The following RADIL variants were observed in gnomAD, a reference collection of about 807,000 sequenced individuals.
RADIL encodes the protein Rap associating with DIL domain, also known as ras-associating and dilute domain-containing protein.
Under a neutral mutation model 97.6 loss-of-function variants are expected in RADIL, and 99 were observed. That is an observed-to-expected ratio of 1.01 (90% CI 0.86 to 1.20). The LOEUF is 1.20. RADIL is among the 50% of genes most tolerant of loss of function. The pLI is 0.00. For missense variants in RADIL, 1,765 were observed against 1,498.9 expected (o/e 1.18, Z -2.93); for synonymous variants, 803 against 691.8 (o/e 1.16, Z -2.52).
At chr7:4,847,955 G>T (rs1370891908) in intron 2 of RADIL, among the ~76,000 whole-genome samples, 1 of 152,252 alleles carries the variant, frequency 6.6e-6, no homozygotes, top group South Asian at 2.1e-4. Flanking sequence ...CAGCACTTAG[G>T]GAGGCCGCAG....
intron 13 of RADIL, 37 bp from the exon 14 acceptor site, chr7:4,799,806 C>G: frequency 6.8e-7 from 1 of 1,467,700 alleles, no homozygotes; most frequent in South Asian, 1.3e-5. Context: ...TCCGCAGGCC[C>G]GACTGGCTGT....
intron 10 of RADIL, among the ~76,000 whole-genome samples, chr7:4,804,791 A>G (rs1782238925): frequency 2.0e-5 from 3 of 150,718 alleles, no homozygotes; most frequent in South Asian, 2.1e-4. Context: ...GTCTCAGTCA[A>G]TCAATCAATA....
chr7:4,834,960 A>G lies in RADIL; in HGVS notation c.1063T>C (p.Phe355Leu), dbSNP rs766776335. Residue 355 changes from phenylalanine to leucine, a missense_variant, in exon 4 of 15, where the codon TTC (phenylalanine) becomes CTC (leucine). Transcript: ENST00000399583. The surrounding 1 kb of genome is among the most constrained non-coding windows in gnomAD (Gnocchi z 6.0). Reference protein sequence around the residue: ...LSLGLYYLLLFKDPAQAQPLP... With the variant: ...LSLGLYYLLLLKDPAQAQPLP... ...GGCTGGGCCTGCGCGGGGTCCTTGA[A>G]TAGCAGCAGGTAGTAGAGCCCCAGG... 3.2e-5 allele frequency: 51 copies of G among 1,608,146 alleles called. No individual in the cohort carries two copies. Among genetic ancestry groups the G allele is most frequent in the South Asian group, 5.5e-5 (5 of 90,650 alleles).
Position 4,799,310 on chromosome 7 carries a change from C to T in RADIL, c.*68G>A, listed in dbSNP as rs772488440. 81 of 1,504,614 alleles carry T rather than the reference C, an allele frequency of 5.4e-5. No homozygotes were observed. Among genetic ancestry groups the T allele is most frequent in the Middle Eastern group, 1.8e-4 (1 of 5,620 alleles). The allele number at this position is 1,504,614 out of a possible 1,614,324, so 93.2% of individuals were successfully genotyped here. A position where few individuals can be genotyped will look rare whatever the true frequency, so the allele number is the denominator to read the frequency against. ...GTCAGTTACAAAACAGGGACGAAGG[C>T]GGGAGGAAGCCCAGTGTCACCAGGT... On this transcript the variant is annotated 3_prime_UTR_variant, in exon 15 of 15. Transcript: ENST00000399583.
At chr7:4,859,092 T>C (rs1209765634) in intron 2 of RADIL, 1 of 152,158 alleles carries the variant, frequency 6.6e-6, no homozygotes, top group South Asian at 2.1e-4. Context: ...TACCTTAAAG[T>C]TGACATTTCA....
chr7:4,825,268 A>G (rs1782941638), intron 5 of RADIL, among the ~76,000 whole-genome samples: 1 of 152,214 alleles, frequency 6.6e-6, no homozygotes, highest in South Asian at 2.1e-4. Flanking sequence ...TGGCTGAGGC[A>G]GGCTGGTCAA....
At chr7:4,865,834 GAA>G (rs2115039437) in intron 2 of RADIL, 1 of 724,732 alleles carries the variant, frequency 1.4e-6, no homozygotes, top group East Asian at 2.6e-5. Context: ...GGAGGTGAGT[GAA>G]CCCCTTTTCT....
Position 4,798,734 on chromosome 7 carries a change from G to T in RADIL, c.*644C>A, listed in dbSNP as rs73307312. On this transcript the variant is annotated 3_prime_UTR_variant, in exon 15 of 15. Coordinates refer to ENST00000399583, the MANE Select transcript of RADIL (RefSeq NM_018059.5). ...GGGAGAGGAACTCAGGAGGGAGCAG[G>T]AGTCCTGGGAGAGGAAGCAGGGCCC... is the stretch of plus-strand genomic sequence containing the variant. The T allele has an allele frequency of 0.039, 5,896 of 153,052 alleles. 378 individuals are homozygous for T. The highest frequency in any genetic ancestry group is 0.13 in the African/African-American group (5,531 of 41,582). The allele number at this position is 153,052 out of a possible 1,614,324, so 9.5% of individuals were successfully genotyped here.
At chr7:4,802,213 C>T (rs1274308879) in intron 11 of RADIL, among the ~76,000 whole-genome samples, 1 of 152,232 alleles carries the variant, frequency 6.6e-6, no homozygotes, top group Non-Finnish European at 1.5e-5. Flanking sequence ...CCGGGGTTCC[C>T]AGAGCTCCCG....
intron 2 of RADIL, chr7:4,857,885 A>AC (rs1783871823): frequency 6.6e-6 from 1 of 152,656 alleles, no homozygotes; most frequent in African/African-American, 2.4e-5. Flanking sequence ...ATGGTCTGAC[A>AC]TTCAGGTAAT....
At position 4,816,341 on chromosome 7, in the gene RADIL, G is replaced by A. The variant is rs774590739; in HGVS notation, c.1853C>T (p.Ala618Val). 7 of 1,612,368 alleles carry A rather than the reference G, an allele frequency of 4.3e-6. No individual in the cohort carries two copies. The highest frequency in any genetic ancestry group is 2.2e-5 in the East Asian group (1 of 44,836). The part of the protein sequence containing the change: ...ELRRVVSVYQ[A>V]ALDLLRQLQV... Reference sequence around the variant, plus strand: ...CAGCTGCCGCAGGAGGTCCAGGGCTGCCTGGTACACAGACACCACGCGGCG... The same window carrying A: ...CAGCTGCCGCAGGAGGTCCAGGGCTACCTGGTACACAGACACCACGCGGCG... The change falls in exon 8 of 15, where the codon GCA becomes GTA. Residue 618 changes from alanine (A) to valine (V), a missense_variant. Transcript: ENST00000399583.
At chr7:4,811,026 A>T (rs1782528747) in intron 9 of RADIL, among the ~76,000 whole-genome samples, 1 of 152,062 alleles carries the variant, frequency 6.6e-6, no homozygotes, top group South Asian at 2.1e-4. Flanking sequence ...AACCCCAGCT[A>T]CTCAAGAGGC....
At chr7:4,865,868 C>T (rs1228029311) in intron 2 of RADIL, 4 of 669,608 alleles carry the variant, frequency 6.0e-6, no homozygotes, top group African/African-American at 3.6e-5. Flanking sequence ...TGTTTAGACA[C>T]ACAAATATTT....
chr7:4,809,347 C>A, intron 9 of RADIL: 1 of 985,228 alleles, frequency 1.0e-6, no homozygotes, highest in Non-Finnish European at 1.2e-6. Context: ...CTGTTTTCAA[C>A]GTTCTAGAAA....
chr7:4,832,537 G>A (rs938731578), intron 4 of RADIL, among the ~76,000 whole-genome samples: 3 of 152,038 alleles, frequency 2.0e-5, no homozygotes, highest in Non-Finnish European at 2.9e-5. Context: ...TCAGGAATTC[G>A]AGACCAGCCT....
At chr7:4,807,056 C>T (rs774215154) in intron 9 of RADIL, among the ~76,000 whole-genome samples, 1 of 152,256 alleles carries the variant, frequency 6.6e-6, no homozygotes, top group South Asian at 2.1e-4. Flanking sequence ...TTCCCCGCGC[C>T]CTCCACCCCT....
At chr7:4,848,834 C>A (rs1383107997) in intron 2 of RADIL, among the ~76,000 whole-genome samples, 1 of 151,958 alleles carries the variant, frequency 6.6e-6, no homozygotes, top group African/African-American at 2.4e-5. Flanking sequence ...TAGTAGGATA[C>A]GTTTGTTAAA....
At position 4,832,147 on chromosome 7, in the gene RADIL, G is replaced by A. The variant is rs369420829; in HGVS notation, c.1448C>T (p.Ala483Val). Residue 483 changes from alanine (A) to valine (V), a missense_variant, in exon 5 of 15, where the codon GCG becomes GTG. Coordinates refer to ENST00000399583, the MANE Select transcript of RADIL (RefSeq NM_018059.5). ...EKTKELAEKQ[A>V]QLQEPISLAS... ...ATAACCGGGTCATACTCACAGTTGC[G>A]CCTGCTTCTCTGCTAGTTCTTTGGT... 6.4e-5 allele frequency: 103 copies of A among 1,610,238 alleles called. No individual in the cohort carries two copies. The highest frequency in any genetic ancestry group is 3.3e-4 in the Middle Eastern group (2 of 6,076).
chr7:4,861,733 A>G, intron 2 of RADIL: 1 of 1,518,416 alleles, frequency 6.6e-7, no homozygotes, highest in African/African-American at 1.4e-5. Flanking sequence ...CTAGACTGAT[A>G]GGCGAGGAGA....
Sources: allele counts gnomAD v4.1 joint callset (sites outside exome capture counted in the v4.1 genomes callset), GRCh38; gene constraint gnomAD v4.1.1; non-coding constraint Gnocchi (gnomAD v3.1); transcripts MANE v1.5; gene names NCBI Gene and HGNC (gene_info 2026-07-23, HGNC 2026-07-21).